SLC1A2: variants seen among roughly 807,000 people sequenced by gnomAD.
SLC1A2 encodes the protein solute carrier family 1 member 2, also known as excitatory amino acid transporter 2.
A neutral mutation model predicts 48.8 loss-of-function variants in SLC1A2; 15 were observed. The observed-to-expected ratio is 0.31, with a 90% CI of 0.21 to 0.47. SLC1A2 has a LOEUF of 0.47. Ranked by LOEUF, SLC1A2 falls within the 20% of genes least tolerant of loss-of-function variation. The pLI is 0.99. For synonymous variants in SLC1A2, 279 were observed against 272.6 expected (o/e 1.02, Z -0.23); for missense variants, 502 against 730.5 (o/e 0.69, Z 3.61).
chr11:35,284,110 T>TATATATATATAA (rs539270363), intron 8 of SLC1A2, among the ~76,000 whole-genome samples: 4 of 141,180 alleles, frequency 2.8e-5, no homozygotes, highest in African/African-American at 1.1e-4. Context: ...TATATATATA[T>TATATATATATAA]AAATTATTAT....
intron 1 of SLC1A2, among the ~76,000 whole-genome samples, chr11:35,379,348 C>A (rs1854343458): frequency 6.6e-6 from 1 of 152,212 alleles, no homozygotes; most frequent in South Asian, 2.1e-4. Flanking sequence ...TTTAGACTGC[C>A]CTGATTCACA....
chr11:35,415,752 C>T (rs1327868918), intron 1 of SLC1A2, among the ~76,000 whole-genome samples: 1 of 78,558 alleles, frequency 1.3e-5, no homozygotes, highest in Non-Finnish European at 2.3e-5. Flanking sequence ...TCATGGCTGG[C>T]TTTCCCCTGA....
chr11:35,382,678 C>T (rs996305735), intron 1 of SLC1A2, among the ~76,000 whole-genome samples: 1 of 152,044 alleles, frequency 6.6e-6, no homozygotes, highest in African/African-American at 2.4e-5. Context: ...TGCCTGTAGC[C>T]CCAGCTACAT....
In SLC1A2 at chr11:35,319,839, A is replaced by G. The variant is rs573514955; in HGVS notation, c.18-2323T>C. Among the ~76,000 whole-genome samples, 29 of 152,310 alleles carry G rather than the reference A, an allele frequency of 1.9e-4. 1 individual carries two copies. The East Asian group carries it at 3.9e-3, about 20-fold the overall frequency. On this transcript the variant is annotated intron_variant, in intron 1 of 10. Coordinates refer to ENST00000278379, the MANE Select transcript of SLC1A2 (RefSeq NM_004171.4). ...ACATCAAAATACTATAAACCCACAAATATTTATTGAGAGAATTCTCGTGAG... is the reference window on the plus strand; with the variant it reads ...ACATCAAAATACTATAAACCCACAAGTATTTATTGAGAGAATTCTCGTGAG...
intron 1 of SLC1A2, among the ~76,000 whole-genome samples, chr11:35,377,692 C>A (rs893349478): frequency 3.3e-5 from 5 of 152,186 alleles, no homozygotes; most frequent in African/African-American, 9.7e-5. Flanking sequence ...AACCTCCCAA[C>A]AACCCCTAAA....
chr11:35,316,653 C>T (rs3847612), intron 2 of SLC1A2: 29,863 of 152,208 alleles, frequency 0.2, 3,428 homozygotes, highest in Admixed American at 0.27. Context: ...TCTGTGAAAC[C>T]TAAGTGAGAG....
intron 10 of SLC1A2, chr11:35,264,148 C>T (rs988067669): frequency 6.6e-6 from 1 of 152,128 alleles, no homozygotes; most frequent in African/African-American, 2.4e-5. Flanking sequence ...GTTTCCCTCC[C>T]TAATTTGTTT....
chr11:35,311,484 T>C (rs969906273), intron 4 of SLC1A2, among the ~76,000 whole-genome samples: 1 of 152,192 alleles, frequency 6.6e-6, no homozygotes, highest in Admixed American at 6.5e-5. Context: ...TTAAAGATTA[T>C]GCACACTTGC....
At chr11:35,371,035 G>A in intron 1 of SLC1A2, 1 of 985,058 alleles carries the variant, frequency 1.0e-6, no homozygotes, top group Non-Finnish European at 1.2e-6. Context: ...TGAGTTTTGA[G>A]CTGTTTTCTT....
intron 3 of SLC1A2, 183 bp downstream of exon 3, chr11:35,314,840 G>A (rs1351876183): frequency 1.9e-5 from 7 of 369,832 alleles, no homozygotes; most frequent in Non-Finnish European, 2.4e-5. Flanking sequence ...CTGACTAATC[G>A]ATGGCAAGCT....
intron 1 of SLC1A2, among the ~76,000 whole-genome samples, chr11:35,392,136 A>T (rs1854792451): frequency 6.6e-6 from 1 of 152,168 alleles, no homozygotes; most frequent in Non-Finnish European, 1.5e-5. Context: ...TGTGTTTTGA[A>T]TATTATTCTC....
chr11:35,301,178 C>A (rs1016582760), intron 6 of SLC1A2, among the ~76,000 whole-genome samples: 1 of 152,150 alleles, frequency 6.6e-6, no homozygotes, highest in Non-Finnish European at 1.5e-5. Context: ...CCTCCAGAAC[C>A]ATAAGAAAGA....
At chr11:35,400,889 CTTTG>C (rs1037457744) in intron 1 of SLC1A2, among the ~76,000 whole-genome samples, 76 of 152,136 alleles carry the variant, frequency 5.0e-4, no homozygotes, top group African/African-American at 1.8e-3. Flanking sequence ...TGGGCTATGG[CTTTG>C]TTTGTTTACA....
chr11:35,252,035 T>C lies in SLC1A2; in HGVS notation c.*8859A>G, dbSNP rs1479909326. 2 of 152,632 alleles carry C rather than the reference T, an allele frequency of 1.3e-5. No homozygotes were observed. Among genetic ancestry groups the C allele is most frequent in the African/African-American group, 4.8e-5 (2 of 41,452 alleles). 9.5% of individuals were successfully genotyped at this position (152,632 alleles called of 1,614,324 possible). On this transcript the variant is annotated 3_prime_UTR_variant, in exon 11 of 11. Transcript: ENST00000278379. ...AGAGAACGTCATACTCCCTCATATA[T>C]GTGGGACCTGTGTTCATCAGTTGCC...
intron 4 of SLC1A2, among the ~76,000 whole-genome samples, chr11:35,311,885 AGAGAGAGG>A (rs1429416512): frequency 2.3e-4 from 14 of 59,856 alleles, no homozygotes; most frequent in African/African-American, 6.6e-4. Flanking sequence ...AGAGAGAGAG[AGAGAGAGG>A]GAGGGAGAGA....
chr11:35,261,086 A>G (rs1950387732), intron 10 of SLC1A2, 121 bp from the exon 11 acceptor site: 2 of 737,830 alleles, frequency 2.7e-6, no homozygotes, highest in East Asian at 2.6e-5. Context: ...TTAGTTTTAA[A>G]TGGAGTTCTT....
chr11:35,306,721 AT>A (rs1413478767), intron 4 of SLC1A2, among the ~76,000 whole-genome samples: 1 of 151,636 alleles, frequency 6.6e-6, no homozygotes, highest in Non-Finnish European at 1.5e-5. Context: ...TCTGTTATCT[AT>A]TTTTCCACTA....
At chr11:35,417,764 C>T (rs912602656) in intron 1 of SLC1A2, among the ~76,000 whole-genome samples, 1 of 152,192 alleles carries the variant, frequency 6.6e-6, no homozygotes, top group Non-Finnish European at 1.5e-5. Context: ...AATTCCTTCT[C>T]CTGGACAGAG....
At chr11:35,274,926 C>CA (rs987412435) in intron 9 of SLC1A2, among the ~76,000 whole-genome samples, 2 of 151,682 alleles carry the variant, frequency 1.3e-5, no homozygotes, top group African/African-American at 4.8e-5. Flanking sequence ...AGAGTTAACT[C>CA]AAAAAAAAGT....
Sources: gnomAD v4.1 joint callset for allele counts (sites outside exome capture counted in the v4.1 genomes callset) on GRCh38, gnomAD v4.1.1 for gene constraint, MANE v1.5 for transcripts, NCBI Gene and HGNC (gene_info 2026-07-23, HGNC 2026-07-21) for gene names.